MAGI1: variants seen among roughly 807,000 people sequenced by gnomAD.
The protein encoded by MAGI1 is membrane-associated guanylate kinase, WW and PDZ domain-containing protein 1.
A neutral mutation model predicts 139.9 loss-of-function variants in MAGI1; 58 were observed. The observed-to-expected ratio is 0.41, with a 90% CI of 0.34 to 0.52. The LOEUF is 0.52. Among genes scored for constraint, MAGI1 ranks in the 20% least tolerant of loss-of-function variants. The probability of loss-of-function intolerance (pLI) is 0.12; values close to 1 mark genes in which losing one functional copy is unlikely to be tolerated. For synonymous variants in MAGI1, 812 were observed against 737.9 expected (o/e 1.10, Z -1.63); for missense variants, 1,874 against 1,901.6 (o/e 0.99, Z 0.27).
At chr3:65,987,671 T>G (rs2107330140) in intron 1 of MAGI1, among the ~76,000 whole-genome samples, 1 of 88,964 alleles carries the variant, frequency 1.1e-5, no homozygotes, top group African/African-American at 3.7e-5. Flanking sequence ...CCCCACACAC[T>G]GCAACCTCTG....
intron 1 of MAGI1, among the ~76,000 whole-genome samples, chr3:65,829,532 C>T (rs2042411808): frequency 6.6e-6 from 1 of 152,202 alleles, no homozygotes; most frequent in Non-Finnish European, 1.5e-5. Flanking sequence ...ATCATATCTG[C>T]TGGTGCCTTG....
intron 3 of MAGI1, among the ~76,000 whole-genome samples, chr3:65,479,593 T>C (rs912973542): frequency 4.6e-5 from 7 of 152,142 alleles, no homozygotes; most frequent in Admixed American, 1.3e-4. Flanking sequence ...TAAGTTATGA[T>C]ACCAATATAA....
intron 1 of MAGI1, among the ~76,000 whole-genome samples, chr3:65,754,622 T>A (rs947643967): frequency 6.6e-6 from 1 of 152,252 alleles, no homozygotes; most frequent in African/African-American, 2.4e-5. Context: ...TACACTGGGT[T>A]TTCCCCTTAA....
chr3:65,369,071 T>C (rs775245035), intron 18 of MAGI1, among the ~76,000 whole-genome samples: 11 of 152,174 alleles, frequency 7.2e-5, no homozygotes, highest in South Asian at 4.1e-4. Flanking sequence ...TGTGCTGCCA[T>C]TGTGTATTTA....
chr3:65,671,083 T>C (rs2086829245), intron 1 of MAGI1, among the ~76,000 whole-genome samples: 1 of 152,204 alleles, frequency 6.6e-6, no homozygotes, highest in Admixed American at 6.6e-5. Context: ...CTAAGCACTT[T>C]ACATTACTCC....
intron 22 of MAGI1, chr3:65,360,959 T>C: frequency 1.4e-6 from 2 of 1,421,890 alleles, no homozygotes; most frequent in Non-Finnish European, 1.8e-6. Flanking sequence ...TTCTCTCTGA[T>C]TATCAGAAAG....
intron 1 of MAGI1, among the ~76,000 whole-genome samples, chr3:65,731,488 T>TAA (rs555310553): frequency 0.17 from 22,615 of 135,788 alleles, 2,154 homozygotes; most frequent in Non-Finnish European, 0.23. Context: ...CCCTATCTCT[T>TAA]AAAAAAAAAA....
At chr3:65,467,167 T>C (rs1689815204) in intron 5 of MAGI1, among the ~76,000 whole-genome samples, 1 of 152,210 alleles carries the variant, frequency 6.6e-6, no homozygotes, top group South Asian at 2.1e-4. Context: ...CAAAGTCTTC[T>C]TATGTTTGTT....
intron 1 of MAGI1, chr3:65,844,202 A>C: frequency 2.0e-6 from 1 of 503,720 alleles, no homozygotes; most frequent in Non-Finnish European, 3.9e-6. Flanking sequence ...TGCTGAACTT[A>C]AGAGTTTGGA....
At position 65,552,259 on chromosome 3, in the gene MAGI1, G is replaced by GGTGTGTGTGT. The variant is rs10576104; in HGVS notation, c.431-58638_431-58629dup. ...GGCTCAGCTCAGGAGTGTGTATAGG[G>GGTGTGTGTGT]GTGTGTGTGTGTGTGTGTGTGTGTG... On this transcript the variant is annotated intron_variant, in intron 2 of 22. Transcript: ENST00000402939. Among the ~76,000 whole-genome samples, 505 of 148,040 alleles carry GGTGTGTGTGT rather than the reference G, an allele frequency of 3.4e-3. 2 individuals are homozygous for GGTGTGTGTGT. Among genetic ancestry groups the GGTGTGTGTGT allele is most frequent in the African/African-American group, 0.012 (484 of 40,264 alleles).
At chr3:65,724,895 A>C (rs919813850) in intron 1 of MAGI1, among the ~76,000 whole-genome samples, 1 of 152,192 alleles carries the variant, frequency 6.6e-6, no homozygotes, top group African/African-American at 2.4e-5. Context: ...CCATGATTCA[A>C]TTACCTCCCA....
chr3:65,643,678 AAC>A (rs1323649377), intron 1 of MAGI1, among the ~76,000 whole-genome samples: 10 of 150,422 alleles, frequency 6.6e-5, no homozygotes, highest in African/African-American at 2.4e-4. Flanking sequence ...CAACAACAAC[AAC>A]AAAGCCTGTT....
intron 1 of MAGI1, among the ~76,000 whole-genome samples, chr3:65,652,450 C>T (rs144394085): frequency 2.2e-4 from 33 of 152,210 alleles, no homozygotes; most frequent in African/African-American, 7.7e-4. Flanking sequence ...TTAGCGGCAC[C>T]CCTGGTCTCT....
intron 1 of MAGI1, among the ~76,000 whole-genome samples, chr3:65,831,190 T>C (rs1231046116): frequency 6.6e-6 from 1 of 152,216 alleles, no homozygotes; most frequent in East Asian, 1.9e-4. Context: ...CACATTACTC[T>C]GCAACTTGCC....
chr3:65,447,759 A>C (rs6779957), intron 7 of MAGI1, among the ~76,000 whole-genome samples: 2 of 152,112 alleles, frequency 1.3e-5, no homozygotes, highest in African/African-American at 4.8e-5. Context: ...AAGACTACCC[A>C]TTACCAATTT....
chr3:65,530,727 ACG>A (rs1491552288), intron 2 of MAGI1, among the ~76,000 whole-genome samples: 31 of 127,122 alleles, frequency 2.4e-4, no homozygotes, highest in African/African-American at 9.1e-4. Context: ...ATATATACAC[ACG>A]TATATATATA....
chr3:65,632,334 T>C (rs1324241721), intron 1 of MAGI1, among the ~76,000 whole-genome samples: 2 of 152,184 alleles, frequency 1.3e-5, no homozygotes, highest in African/African-American at 4.8e-5. Flanking sequence ...TTTGAACAGA[T>C]GTCAACAATG....
chr3:65,509,004 T>A (rs1240685495), intron 2 of MAGI1, among the ~76,000 whole-genome samples: 1 of 152,198 alleles, frequency 6.6e-6, no homozygotes, highest in Non-Finnish European at 1.5e-5. Context: ...GGTGATACGA[T>A]GCATGATCCT....
chr3:65,625,599 A>C (rs978654048), intron 1 of MAGI1, among the ~76,000 whole-genome samples: 3 of 152,222 alleles, frequency 2.0e-5, no homozygotes, highest in South Asian at 2.1e-4. Context: ...ACATTCAGAC[A>C]GTGCCTGGCA....
Sources: allele counts gnomAD v4.1 joint callset (sites outside exome capture counted in the v4.1 genomes callset), GRCh38; gene constraint gnomAD v4.1.1; transcripts MANE v1.5; gene names NCBI Gene and HGNC (gene_info 2026-07-23, HGNC 2026-07-21).